The following SYNPO2 variants were observed in gnomAD, a reference collection of about 807,000 sequenced individuals.
SYNPO2 encodes synaptopodin-2.
SYNPO2 carries 56 observed loss-of-function variants against 85.0 expected under a neutral mutation model. The observed-to-expected ratio is 0.66, with a 90% CI of 0.53 to 0.82. The LOEUF is 0.82. Ranked by LOEUF, SYNPO2 falls within the 40% of genes least tolerant of loss-of-function variation. SYNPO2 has a pLI of 0.00. For synonymous variants in SYNPO2, 602 were observed against 591.1 expected (o/e 1.02, Z -0.27); for missense variants, 1,575 against 1,534.2 (o/e 1.03, Z -0.44).
chr4:118,980,224 T>C (rs1328608888), intron 1 of SYNPO2, among the ~76,000 whole-genome samples: 1 of 152,210 alleles, frequency 6.6e-6, no homozygotes, highest in African/African-American at 2.4e-5. Context: ...TTCAACTCTT[T>C]CTAATGTATT....
At chr4:118,867,674 C>T (rs1166874270) in intron 1 of SYNPO2, among the ~76,000 whole-genome samples, 1 of 151,980 alleles carries the variant, frequency 6.6e-6, no homozygotes, top group Non-Finnish European at 1.5e-5. Context: ...ACATTAAACA[C>T]ATTACATGTT....
intron 1 of SYNPO2, among the ~76,000 whole-genome samples, chr4:118,873,211 A>G (rs1470993586): frequency 1.3e-5 from 2 of 152,224 alleles, no homozygotes; most frequent in African/African-American, 4.8e-5. Flanking sequence ...TTGGGCAGAT[A>G]GTAGTGAGAC....
intron 1 of SYNPO2, among the ~76,000 whole-genome samples, chr4:118,931,094 A>C (rs375801492): frequency 2.0e-5 from 3 of 152,174 alleles, no homozygotes; most frequent in African/African-American, 7.2e-5. Context: ...CTGAGATGTG[A>C]AAATACTATC....
chr4:118,878,232 G>A (rs1391355502), intron 1 of SYNPO2, among the ~76,000 whole-genome samples: 1 of 152,016 alleles, frequency 6.6e-6, no homozygotes, highest in East Asian at 1.9e-4. Flanking sequence ...GAAGGGTGAG[G>A]ATTGAAAAAC....
intron 1 of SYNPO2, among the ~76,000 whole-genome samples, chr4:118,940,825 T>C (rs923921421): frequency 2.0e-5 from 3 of 152,082 alleles, no homozygotes; most frequent in Non-Finnish European, 4.4e-5. Flanking sequence ...TCCTCCCACC[T>C]CCCACCTCTC....
At chr4:118,880,733 C>CTT (rs1560818727) in intron 1 of SYNPO2, among the ~76,000 whole-genome samples, 4 of 131,788 alleles carry the variant, frequency 3.0e-5, no homozygotes, top group Non-Finnish European at 6.4e-5. Flanking sequence ...GGCGACAGAG[C>CTT]GAGACTCTGT....
At position 119,007,216 on chromosome 4, in the gene SYNPO2, G is replaced by GTATATATATA. The variant is rs66895824; in HGVS notation, c.106-16194_106-16185dup. ...ATTCCCAAAACAAAAAAGAACAAAG[G>GTATATATATA]TATATATATATATATATATATATAT... On this transcript the variant is annotated intron_variant, in intron 1 of 4. Transcript: ENST00000307142. Among the ~76,000 whole-genome samples the GTATATATATA allele has an allele frequency of 3.1e-3, 144 of 46,224 alleles. 2 individuals are homozygous for GTATATATATA. Among genetic ancestry groups the GTATATATATA allele is most frequent in the Non-Finnish European group, 4.7e-3 (109 of 23,108 alleles). 30.3% of individuals were successfully genotyped at this position (46,224 alleles called of 152,430 possible). A position where few individuals can be genotyped will look rare whatever the true frequency, so the allele number is the denominator to read the frequency against.
At chr4:118,946,882 G>A (rs1296081707) in intron 1 of SYNPO2, among the ~76,000 whole-genome samples, 1 of 152,152 alleles carries the variant, frequency 6.6e-6, no homozygotes, top group Non-Finnish European at 1.5e-5. Context: ...GTAGAAATTA[G>A]TGTCATTAAA....
Position 118,900,703 on chromosome 4 carries a change from C to CTATA in SYNPO2, c.105+11588_105+11591dup, listed in dbSNP as rs373144800. Among the ~76,000 whole-genome samples the CTATA allele has an allele frequency of 6.5e-3, 285 of 43,820 alleles. 5 individuals are homozygous for CTATA. The highest frequency in any genetic ancestry group is 0.028 in the East Asian group (37 of 1,308). The allele number at this position is 43,820 out of a possible 152,430, so 28.7% of individuals were successfully genotyped here. ...TCTCTCTCTCTCTCTCTCTCTCTCT[C>CTATA]TATATATATATATATATATATATAT... On this transcript the variant is annotated intron_variant, in intron 1 of 4. Transcript: ENST00000307142.
intron 1 of SYNPO2, among the ~76,000 whole-genome samples, chr4:118,947,551 T>C (rs1734549380): frequency 1.3e-5 from 2 of 152,204 alleles, no homozygotes; most frequent in Admixed American, 6.5e-5. Flanking sequence ...CTCTGCTGTT[T>C]AACCTCTGTC....
At chr4:118,982,028 A>C (rs1736029795) in intron 1 of SYNPO2, among the ~76,000 whole-genome samples, 1 of 152,222 alleles carries the variant, frequency 6.6e-6, no homozygotes, top group African/African-American at 2.4e-5. Context: ...TAAGGAGGAA[A>C]TATGCAGCGT....
intron 2 of SYNPO2, among the ~76,000 whole-genome samples, chr4:119,024,812 T>A (rs1439536114): frequency 1.3e-5 from 2 of 152,218 alleles, no homozygotes; most frequent in Non-Finnish European, 2.9e-5. Flanking sequence ...GAATATTGTT[T>A]CCTGCAATAA....
intron 1 of SYNPO2, among the ~76,000 whole-genome samples, chr4:119,005,386 T>C (rs1182671452): frequency 6.6e-6 from 1 of 151,996 alleles, no homozygotes; most frequent in East Asian, 1.9e-4. Context: ...CTTTAATCCA[T>C]CTTGAATTAA....
rs182835887 is a variant in SYNPO2 at position 119,047,455 on chromosome 4, A to G, written c.3253-9946A>G. ...ATTATGTGCCCTTCTTGGCAGACAGAATGATACTGTGTACTTCTGCTGAAA... is the reference window on the plus strand; with the variant it reads ...ATTATGTGCCCTTCTTGGCAGACAGGATGATACTGTGTACTTCTGCTGAAA... On this transcript the variant is annotated intron_variant, in intron 4 of 4. Coordinates refer to ENST00000307142, the MANE Select transcript of SYNPO2 (RefSeq NM_133477.3). 6.6e-5 allele frequency among the ~76,000 whole-genome samples: 10 copies of G among 152,348 alleles called. No homozygotes were observed. In the East Asian group the frequency reaches 1.9e-3, roughly 29 times the overall value.
chr4:119,014,620 A>C (rs1454905976), intron 1 of SYNPO2, among the ~76,000 whole-genome samples: 1 of 152,180 alleles, frequency 6.6e-6, no homozygotes, highest in African/African-American at 2.4e-5. Flanking sequence ...CCAAACTCAA[A>C]ACAGAGTATC....
At chr4:118,968,211 G>T (rs758896608) in intron 1 of SYNPO2, among the ~76,000 whole-genome samples, 1 of 152,214 alleles carries the variant, frequency 6.6e-6, no homozygotes, top group East Asian at 1.9e-4. Flanking sequence ...CTGAGGCTTA[G>T]TGTGTGTTCT....
rs373144800 is a variant in SYNPO2 at position 118,900,703 on chromosome 4, C to CTATATATATATATATATA, written c.105+11574_105+11591dup. On this transcript the variant is annotated intron_variant, in intron 1 of 4. Transcript: ENST00000307142. ...TCTCTCTCTCTCTCTCTCTCTCTCT[C>CTATATATATATATATATA]TATATATATATATATATATATATAT... Among the ~76,000 whole-genome samples the CTATATATATATATATATA allele has an allele frequency of 4.8e-4, 21 of 43,886 alleles. 1 individual carries two copies. The highest frequency in any genetic ancestry group is 8.2e-4 in the Non-Finnish European group (18 of 21,952). 28.8% of individuals were successfully genotyped at this position (43,886 alleles called of 152,430 possible). A position where few individuals can be genotyped will look rare whatever the true frequency, so the allele number is the denominator to read the frequency against.
At chr4:118,899,305 G>A (rs1025992439) in intron 1 of SYNPO2, among the ~76,000 whole-genome samples, 1 of 152,080 alleles carries the variant, frequency 6.6e-6, no homozygotes, top group Non-Finnish European at 1.5e-5. Flanking sequence ...AAACTTTAAA[G>A]CATGAGATAA....
upstream of SYNPO2, among the ~76,000 whole-genome samples, chr4:118,886,306 G>T (rs536081746): frequency 1.2e-4 from 18 of 152,186 alleles, no homozygotes; most frequent in Admixed American, 1.0e-3. Context: ...TGTTACATAG[G>T]TATACATGTG....
Sources: allele counts gnomAD v4.1 joint callset (sites outside exome capture counted in the v4.1 genomes callset), GRCh38; gene constraint gnomAD v4.1.1; transcripts MANE v1.5; gene names NCBI Gene and HGNC (gene_info 2026-07-23, HGNC 2026-07-21).